The following MTMR3 variants were observed in gnomAD, a reference collection of about 807,000 sequenced individuals.
MTMR3 encodes phosphatidylinositol-3,5-bisphosphate 3-phosphatase MTMR3.
MTMR3 carries 32 observed loss-of-function variants against 132.4 expected under a neutral mutation model. That is an observed-to-expected ratio of 0.24 (90% CI 0.18 to 0.32). The LOEUF is 0.32. Ranked by LOEUF, MTMR3 falls within the 10% of genes least tolerant of loss-of-function variation. The pLI is 1.00. For synonymous variants in MTMR3, 556 were observed against 550.3 expected (o/e 1.01, Z -0.14); for missense variants, 1,216 against 1,489.6 (o/e 0.82, Z 3.02).
chr22:29,888,190 A>AT (rs920787126), intron 1 of MTMR3, among the ~76,000 whole-genome samples: 3 of 151,778 alleles, frequency 2.0e-5, no homozygotes, highest in African/African-American at 7.3e-5. Context: ...TGTAAAATGT[A>AT]TTTTTTCTTT....
At chr22:29,992,847 T>G (rs2066991587) in intron 7 of MTMR3, 1 of 152,242 alleles carries the variant, frequency 6.6e-6, no homozygotes, top group Admixed American at 6.5e-5. Context: ...GCTTGTAGCA[T>G]TAGCATTATC....
intron 2 of MTMR3, among the ~76,000 whole-genome samples, chr22:29,960,588 A>G (rs564041138): frequency 2.6e-5 from 4 of 152,358 alleles, no homozygotes; most frequent in African/African-American, 9.6e-5. Flanking sequence ...ACATGTACAT[A>G]CTAATTTAAA....
chr22:29,889,907 C>CTTTTTTT (rs11399020), intron 1 of MTMR3, among the ~76,000 whole-genome samples: 1 of 124,914 alleles, frequency 8.0e-6, no homozygotes, highest in African/African-American at 3.1e-5. Context: ...AGGATAAATT[C>CTTTTTTT]TTTTTTTTTT....
chr22:29,885,497 A>G (rs546798567), intron 1 of MTMR3, among the ~76,000 whole-genome samples: 2 of 152,348 alleles, frequency 1.3e-5, no homozygotes, highest in Non-Finnish European at 2.9e-5. Flanking sequence ...TTAGATGCTG[A>G]TTAATTGGAG....
chr22:29,892,646 G>A (rs529397771), intron 1 of MTMR3, among the ~76,000 whole-genome samples: 1 of 152,148 alleles, frequency 6.6e-6, no homozygotes, highest in South Asian at 2.1e-4. Context: ...AGGAAACAAG[G>A]CTTTTTGTAT....
chr22:29,922,037 T>C (rs1282488998), intron 1 of MTMR3, among the ~76,000 whole-genome samples: 1 of 151,808 alleles, frequency 6.6e-6, no homozygotes, highest in Non-Finnish European at 1.5e-5. Context: ...TGTCTTTTTT[T>C]TTTTTTGAGA....
At chr22:29,933,438 C>T (rs979338576) in intron 1 of MTMR3, among the ~76,000 whole-genome samples, 1 of 152,006 alleles carries the variant, frequency 6.6e-6, no homozygotes, top group African/African-American at 2.4e-5. Context: ...AAATATTTCT[C>T]GTGCTATCTC....
At chr22:30,007,553 A>G in intron 10 of MTMR3, 1 of 587,250 alleles carries the variant, frequency 1.7e-6, no homozygotes, top group Non-Finnish European at 3.0e-6. Context: ...CCATTGTGAC[A>G]AAAATGGAGT....
At chr22:29,914,116 T>C (rs778171101) in intron 1 of MTMR3, among the ~76,000 whole-genome samples, 4 of 152,204 alleles carry the variant, frequency 2.6e-5, no homozygotes, top group Non-Finnish European at 4.4e-5. Context: ...TGTGGACATA[T>C]ATTTTCATTT....
At chr22:29,913,513 A>G (rs1248015829) in intron 1 of MTMR3, among the ~76,000 whole-genome samples, 3 of 152,146 alleles carry the variant, frequency 2.0e-5, no homozygotes, top group Non-Finnish European at 4.4e-5. Context: ...AGAGAGGTAT[A>G]ATTTGCACAA....
chr22:29,965,639 C>T (rs773519664), intron 2 of MTMR3, among the ~76,000 whole-genome samples: 1 of 152,122 alleles, frequency 6.6e-6, no homozygotes, highest in Non-Finnish European at 1.5e-5. Context: ...GAGCTGAGAT[C>T]GCACCACTGC....
chr22:30,001,549 A>G (rs1282591836), intron 8 of MTMR3: 1 of 152,156 alleles, frequency 6.6e-6, no homozygotes, highest in Non-Finnish European at 1.5e-5. Context: ...CAACTGTCTC[A>G]AGGAGTTTAC....
intron 1 of MTMR3, among the ~76,000 whole-genome samples, chr22:29,944,149 C>T (rs36604): frequency 6.6e-6 from 1 of 151,814 alleles, no homozygotes. Context: ...CAAGAGCTAG[C>T]GGGGTCTTAA....
At chr22:30,009,392 C>T in intron 12 of MTMR3, 1 of 396,266 alleles carries the variant, frequency 2.5e-6, no homozygotes, top group African/African-American at 2.0e-5. Context: ...GAAATCTCAG[C>T]ATCAAAACAG....
chr22:29,962,571 T>G (rs1428342411), intron 2 of MTMR3, among the ~76,000 whole-genome samples: 2 of 152,136 alleles, frequency 1.3e-5, no homozygotes, highest in Non-Finnish European at 2.9e-5. Context: ...CTCTGGAGGC[T>G]GAGGCAGGAA....
In MTMR3 at chr22:30,020,275, C is replaced by G. The variant is rs1386267926; in HGVS notation, c.2616C>G (p.Gly872=). 1.9e-6 allele frequency: 3 copies of G among 1,614,078 alleles called. No homozygotes were observed. In the East Asian group the frequency reaches 6.7e-5, roughly 36 times the overall value. The change falls in exon 17 of 20, where the codon GGC becomes GGG. Residue 872 remains glycine (G), a synonymous_variant. Coordinates refer to ENST00000401950, the MANE Select transcript of MTMR3 (RefSeq NM_021090.4). ...ATAGATCTTGCCTTGTAAATAGTGG[C>G]AAGGACAGGCTTCCTCAGACCATGG... The part of the protein sequence containing the change: ...GHHRSCLVNS[G]KDRLPQTMEP...
intron 6 of MTMR3, 182 bp downstream of exon 6, chr22:29,988,744 ATG>A: frequency 5.6e-6 from 2 of 356,360 alleles, no homozygotes; most frequent in African/African-American, 4.3e-5. Flanking sequence ...ATGTTGAAAG[ATG>A]TTTTTTTTTT....
chr22:30,006,932 G>A (rs755770106), intron 9 of MTMR3, 182 bp from the exon 10 acceptor site: 1 of 609,454 alleles, frequency 1.6e-6, no homozygotes, highest in Non-Finnish European at 2.8e-6. Flanking sequence ...AGACACACAG[G>A]TTTTGTTGTT....
At chr22:29,956,935 CATT>C (rs1227907725) in intron 1 of MTMR3, 98 bp from the exon 2 acceptor site, 1 of 152,244 alleles carries the variant, frequency 6.6e-6, no homozygotes, top group African/African-American at 2.4e-5. Flanking sequence ...ATTGTCATAG[CATT>C]ATGACTGGTA....
Sources: gnomAD v4.1 joint callset for allele counts (sites outside exome capture counted in the v4.1 genomes callset) on GRCh38, gnomAD v4.1.1 for gene constraint, MANE v1.5 for transcripts, NCBI Gene and HGNC (gene_info 2026-07-23, HGNC 2026-07-21) for gene names.